PCDH11X: variants seen among roughly 807,000 people sequenced by gnomAD.
PCDH11X encodes protocadherin-11 X-linked.
A neutral mutation model predicts 53.3 loss-of-function variants in PCDH11X; 18 were observed. The observed-to-expected ratio is 0.34, with a 90% confidence interval of 0.23 to 0.50. The LOEUF is 0.50. Among genes scored for constraint, PCDH11X ranks in the 20% least tolerant of loss-of-function variants. The probability of loss-of-function intolerance (pLI) is 0.98; values close to 1 mark genes in which losing one functional copy is unlikely to be tolerated. For missense variants in PCDH11X, 570 were observed against 1,032.4 expected (o/e 0.55, Z 6.14); for synonymous variants, 279 against 393.3 (o/e 0.71, Z 3.44).
chrX:91,941,276 T>C (rs1177902767), intron 6 of PCDH11X, among the ~76,000 whole-genome samples: 2 of 111,393 alleles, frequency 1.8e-5, no homozygotes, highest in Admixed American at 1.9e-4. Flanking sequence ...ACACCTCAAT[T>C]AAAATGCAGA....
intron 1 of PCDH11X, among the ~76,000 whole-genome samples, chrX:91,781,840 G>A (rs1935156481): frequency 8.9e-6 from 1 of 112,554 alleles, no homozygotes; most frequent in African/African-American, 3.2e-5. Flanking sequence ...AGATGGATGC[G>A]CTAAGGTCTA....
chrX:91,941,606 AT>A (rs2061511466), intron 6 of PCDH11X, among the ~76,000 whole-genome samples: 2 of 107,520 alleles, frequency 1.9e-5, no homozygotes, highest in Non-Finnish European at 1.9e-5. Flanking sequence ...AGGATTAACA[AT>A]TTTGGTTGGG....
chrX:92,136,589 C>T (rs1487795522), intron 6 of PCDH11X, among the ~76,000 whole-genome samples: 1 of 103,942 alleles, frequency 9.6e-6, no homozygotes, highest in Non-Finnish European at 2.0e-5. Flanking sequence ...TTTCATACTG[C>T]CTGTGGCTGC....
chrX:92,322,564 ACTCAT>A (rs1179642254), intron 8 of PCDH11X, among the ~76,000 whole-genome samples: 5 of 111,281 alleles, frequency 4.5e-5, no homozygotes, highest in Non-Finnish European at 7.5e-5. Flanking sequence ...TCATGTTTCT[ACTCAT>A]CTCAGTACAA....
At chrX:92,030,998 A>T (rs1255416435) in intron 6 of PCDH11X, among the ~76,000 whole-genome samples, 2 of 110,131 alleles carry the variant, frequency 1.8e-5, no homozygotes, top group Non-Finnish European at 3.8e-5. Context: ...TGGGGTATAT[A>T]TGCAGCAGTG....
intron 6 of PCDH11X, among the ~76,000 whole-genome samples, chrX:92,156,405 C>G (rs1322063137): frequency 9.0e-6 from 1 of 111,069 alleles, no homozygotes; most frequent in African/African-American, 3.3e-5. Context: ...TAAATGTCAC[C>G]TTTTCAGTGA....
chrX:92,273,137 G>A (rs1257918495), intron 8 of PCDH11X, among the ~76,000 whole-genome samples: 2 of 111,977 alleles, frequency 1.8e-5, no homozygotes, highest in African/African-American at 3.2e-5. Flanking sequence ...TGAGCAACAT[G>A]GCTGTTTATT....
intron 7 of PCDH11X, among the ~76,000 whole-genome samples, chrX:92,210,537 C>T (rs1311235463): frequency 9.0e-6 from 1 of 110,983 alleles, no homozygotes; most frequent in Non-Finnish European, 1.9e-5. Flanking sequence ...CTGTGCCCGG[C>T]CCCCGAAAAT....
At chrX:92,311,931 A>T (rs954801040) in intron 8 of PCDH11X, among the ~76,000 whole-genome samples, 1 of 111,959 alleles carries the variant, frequency 8.9e-6, no homozygotes, top group Non-Finnish European at 1.9e-5. Flanking sequence ...AGAAGAGGAT[A>T]GTTTCTATGA....
Position 92,416,359 on chromosome X carries a change from G to A in PCDH11X, c.3343+28426G>A, listed in dbSNP as rs548961811. Among the ~76,000 whole-genome samples, 16 of 110,720 alleles carry A rather than the reference G, an allele frequency of 1.4e-4. No individual in the cohort carries two copies. In the South Asian group the frequency reaches 4.5e-3, roughly 31 times the overall value. ...TATCACAAAGGATAAATGCTTGAGA[G>A]GATGGATACTCCATTCTCCATGATG... On this transcript the variant is annotated intron_variant, in intron 9 of 10. Coordinates refer to ENST00000682573, the MANE Select transcript of PCDH11X (RefSeq NM_032968.5).
chrX:92,220,673 A>G (rs929495967), intron 7 of PCDH11X, among the ~76,000 whole-genome samples: 7 of 110,473 alleles, frequency 6.3e-5, no homozygotes, highest in African/African-American at 2.3e-4. Context: ...TAGAAATACC[A>G]TTTGACCCAG....
intron 7 of PCDH11X, among the ~76,000 whole-genome samples, chrX:92,230,442 ATTTATATATAATT>A (rs2067047613): frequency 5.1e-5 from 1 of 19,424 alleles, no homozygotes. Context: ...TATATTATAT[ATTTATATATAATT>A]TATAAAATAT....
At chrX:91,952,435 G>A (rs1428979195) in intron 6 of PCDH11X, among the ~76,000 whole-genome samples, 8 of 111,638 alleles carry the variant, frequency 7.2e-5, no homozygotes, top group Admixed American at 4.8e-4. Flanking sequence ...TTCCATTCTA[G>A]CTGAAAAGAA....
intron 1 of PCDH11X, among the ~76,000 whole-genome samples, chrX:91,803,111 C>A (rs952698323): frequency 9.8e-5 from 11 of 111,790 alleles, no homozygotes; most frequent in African/African-American, 3.6e-4. Context: ...AATGTAGCAT[C>A]AAGTAAATCT....
chrX:92,289,768 T>A (rs1241589239), intron 8 of PCDH11X, among the ~76,000 whole-genome samples: 2 of 110,917 alleles, frequency 1.8e-5, no homozygotes, highest in Non-Finnish European at 3.8e-5. Context: ...CCTAAAAGCA[T>A]AATTTATTAC....
At chrX:92,101,894 G>A (rs944934099) in intron 6 of PCDH11X, among the ~76,000 whole-genome samples, 8 of 111,280 alleles carry the variant, frequency 7.2e-5, no homozygotes, top group South Asian at 3.8e-4. Flanking sequence ...TTCCATGATG[G>A]AAAGGAAATG....
At chrX:91,827,887 C>T (rs1356172977) in intron 4 of PCDH11X, among the ~76,000 whole-genome samples, 11 of 107,173 alleles carry the variant, frequency 1.0e-4, no homozygotes, top group African/African-American at 3.7e-4. Context: ...CCTCATGTTT[C>T]GTTCTTTTTG....
In PCDH11X at chrX:92,315,403, A is replaced by G. The variant is rs993766538; in HGVS notation, c.3144+52260A>G. ...GTTGTTTCTTTTGTTTGCTAGCTAGATTGCTTGCTTGCTTATTTATTGACT... is the reference window on the plus strand; with the variant it reads ...GTTGTTTCTTTTGTTTGCTAGCTAGGTTGCTTGCTTGCTTATTTATTGACT... On this transcript the variant is annotated intron_variant, in intron 8 of 10. Coordinates refer to ENST00000682573, the MANE Select transcript of PCDH11X (RefSeq NM_032968.5). 5.0e-4 allele frequency among the ~76,000 whole-genome samples: 56 copies of G among 111,204 alleles called. 1 individual carries two copies. Among genetic ancestry groups the G allele is most frequent in the African/African-American group, 1.7e-3 (52 of 30,640 alleles).
At chrX:92,010,892 G>C (rs1390474461) in intron 6 of PCDH11X, among the ~76,000 whole-genome samples, 3 of 110,404 alleles carry the variant, frequency 2.7e-5, no homozygotes, top group African/African-American at 6.6e-5. Flanking sequence ...CCCCACTGTA[G>C]TAATACCCAG....
Sources: allele counts gnomAD v4.1 joint callset (sites outside exome capture counted in the v4.1 genomes callset), GRCh38; gene constraint gnomAD v4.1.1; transcripts MANE v1.5; gene names NCBI Gene and HGNC (gene_info 2026-07-23, HGNC 2026-07-21).